Variants in KDM7A observed in about 807,000 individuals in gnomAD.
KDM7A encodes the protein lysine demethylase 7A.
In KDM7A, 28 loss-of-function variants were observed where a neutral mutation model predicts 114.8. The ratio of observed to expected loss-of-function variants is 0.24; its 90% CI spans 0.18 to 0.33. The LOEUF (loss-of-function observed/expected upper bound fraction) is 0.33, where lower values mean the gene tolerates loss of function less well. KDM7A is among the 10% of genes least tolerant of loss of function. The pLI, the probability that KDM7A is intolerant of heterozygous loss-of-function variation, is 1.00. For missense variants in KDM7A, 942 were observed against 1,142.5 expected (o/e 0.82, Z 2.53); for synonymous variants, 423 against 397.8 (o/e 1.06, Z -0.75).
chr7:140,174,609 T>C (rs1794680911), intron 1 of KDM7A, among the ~76,000 whole-genome samples: 1 of 152,170 alleles, frequency 6.6e-6, no homozygotes, highest in African/African-American at 2.4e-5. Context: ...GTTTCTTTTT[T>C]CTTTTTTTTT....
At chr7:140,164,790 T>G (rs543388868) in intron 1 of KDM7A, among the ~76,000 whole-genome samples, 1 of 152,218 alleles carries the variant, frequency 6.6e-6, no homozygotes, top group East Asian at 1.9e-4. Context: ...TGCTTCAAAG[T>G]AGCCAGGTAA....
rs376630545 is a variant in KDM7A at position 140,124,743 on chromosome 7, T to C, written c.929A>G (p.Asn310Ser). ...ACTCCAAGATTCATAACGTGCCAAA[T>C]TTTCATCTGTTGGCTTTATTAAATA... ...IFYLIKPTDENLARYESWSSS... is the reference protein window; with the variant it reads ...IFYLIKPTDESLARYESWSSS... Residue 310 changes from asparagine to serine, a missense_variant, in exon 7 of 20, where the codon AAT (asparagine) becomes AGT (serine). By Grantham distance (46) the Asn-to-Ser change is conservative. Coordinates refer to ENST00000397560, the MANE Select transcript of KDM7A (RefSeq NM_030647.2). The C allele has an allele frequency of 6.2e-6, 10 of 1,612,108 alleles. No individual in the cohort carries two copies. Among genetic ancestry groups the C allele is most frequent in the Admixed American group, 1.7e-5 (1 of 59,760 alleles).
At chr7:140,169,024 A>G (rs1230272637) in intron 1 of KDM7A, among the ~76,000 whole-genome samples, 1 of 152,166 alleles carries the variant, frequency 6.6e-6, no homozygotes, top group Non-Finnish European at 1.5e-5. Context: ...CAATTAGTGT[A>G]TTTCCTAGCT....
chr7:140,102,930 G>A (rs928811745), intron 11 of KDM7A, among the ~76,000 whole-genome samples: 3 of 152,090 alleles, frequency 2.0e-5, no homozygotes, highest in Middle Eastern at 3.2e-3. Context: ...ATTCTCCAGA[G>A]GCAACCACTT....
At chr7:140,103,516 G>A (rs534959122) in intron 11 of KDM7A, among the ~76,000 whole-genome samples, 107 of 150,064 alleles carry the variant, frequency 7.1e-4, no homozygotes, top group African/African-American at 2.4e-3. Flanking sequence ...CTGTGTCCAT[G>A]TGTTCTCATT....
intron 11 of KDM7A, among the ~76,000 whole-genome samples, chr7:140,110,249 A>G (rs1818410338): frequency 6.6e-6 from 1 of 152,208 alleles, no homozygotes; most frequent in African/African-American, 2.4e-5. Context: ...CATGCATGAG[A>G]TTTATATATG....
intron 1 of KDM7A, among the ~76,000 whole-genome samples, chr7:140,155,409 A>T (rs764791533): frequency 2.0e-5 from 3 of 152,252 alleles, no homozygotes; most frequent in Admixed American, 6.5e-5. Context: ...TAGCACCACA[A>T]GCACTCTGAT....
At chr7:140,093,436 T>C (rs1194142848) in intron 18 of KDM7A, among the ~76,000 whole-genome samples, 2 of 152,236 alleles carry the variant, frequency 1.3e-5, no homozygotes, top group East Asian at 3.8e-4. Context: ...TTTACTTTCT[T>C]TCTTATGTGT....
intron 1 of KDM7A, among the ~76,000 whole-genome samples, chr7:140,160,800 A>G (rs982316321): frequency 6.6e-6 from 1 of 152,206 alleles, no homozygotes; most frequent in African/African-American, 2.4e-5. Context: ...AAAGGCAAAG[A>G]TAAGAAGAGA....
Position 140,119,176 on chromosome 7 carries a change from T to G in KDM7A, c.1183A>C (p.Lys395Gln). The G allele has an allele frequency of 1.2e-6, 2 of 1,609,264 alleles. No individual in the cohort carries two copies. The highest frequency in any genetic ancestry group is 1.7e-6 in the Non-Finnish European group (2 of 1,176,828). ...EKRLKTPDLF[K>Q]FPFFEAICWF... ...CATATGGCTTCAAAGAAAGGGAATTTGAAAAGATCTGGTGTTTTTAGCCTT... is the reference window on the plus strand; with the variant it reads ...CATATGGCTTCAAAGAAAGGGAATTGGAAAAGATCTGGTGTTTTTAGCCTT... The change falls in exon 9 of 20, where the codon AAA (lysine) becomes CAA (glutamine). Residue 395 changes from lysine (K) to glutamine (Q), a missense_variant. Around this residue, in one of 4 missense-constraint regions of KDM7A, gnomAD observed 318 missense variants for 453.1 expected, o/e 0.70. Transcript: ENST00000397560.
In KDM7A at chr7:140,176,375, G is replaced by A. The variant is rs1396423106; in HGVS notation, c.194+369C>T. Reference sequence around the variant, plus strand: ...CGGCGGGGCGGGGCGGGGCGGCGGCGGCCCGGGCTGGCGAGGGGCTGCGGA... The same window carrying A: ...CGGCGGGGCGGGGCGGGGCGGCGGCAGCCCGGGCTGGCGAGGGGCTGCGGA... On this transcript the variant is annotated intron_variant, in intron 1 of 19. Coordinates refer to ENST00000397560, the MANE Select transcript of KDM7A (RefSeq NM_030647.2). This position sits in a 1 kb window ranked among gnomAD's most constrained non-coding sequence, Gnocchi z 4.4. Among the ~76,000 whole-genome samples, 1 of 144,366 alleles carries A rather than the reference G, an allele frequency of 6.9e-6. No individual in the cohort carries two copies. Among genetic ancestry groups the A allele is most frequent in the Admixed American group, 6.8e-5 (1 of 14,626 alleles). The allele number at this position is 144,366 out of a possible 152,430, so 94.7% of individuals were successfully genotyped here.
Position 140,142,986 on chromosome 7 carries a change from C to A in KDM7A, c.195-3796G>T, listed in dbSNP as rs529458450. Among the ~76,000 whole-genome samples, 190 of 151,722 alleles carry A rather than the reference C, an allele frequency of 1.3e-3. 2 individuals carry two copies. The highest frequency in any genetic ancestry group is 4.4e-3 in the African/African-American group (182 of 41,368). On this transcript the variant is annotated intron_variant, in intron 1 of 19. Coordinates refer to ENST00000397560, the MANE Select transcript of KDM7A (RefSeq NM_030647.2). ...CACGAGGTCAGGAGATCGAGACCAC[C>A]CTGGCTAACACGGTGAAACCCCATC...
chr7:140,100,557 T>C (rs1444179318), intron 12 of KDM7A, among the ~76,000 whole-genome samples: 2 of 148,736 alleles, frequency 1.3e-5, no homozygotes, highest in South Asian at 2.2e-4. Context: ...TAATAATAAA[T>C]AGAACCTTTC....
intron 6 of KDM7A, 58 bp downstream of exon 6, chr7:140,126,579 G>A: frequency 9.5e-7 from 1 of 1,053,568 alleles, no homozygotes. Flanking sequence ...ATATACCACT[G>A]AAAAACTAGG....
intron 9 of KDM7A, among the ~76,000 whole-genome samples, chr7:140,115,418 G>A (rs908109050): frequency 1.3e-5 from 2 of 152,216 alleles, no homozygotes; most frequent in Non-Finnish European, 2.9e-5. Context: ...GAAAGAAGTA[G>A]ACATGGGAGA....
chr7:140,124,495 G>A (rs1258356641), intron 7 of KDM7A, 126 bp downstream of exon 7: 1 of 630,970 alleles, frequency 1.6e-6, no homozygotes. Flanking sequence ...TCCAAGATCA[G>A]AATTATTTCT....
intron 1 of KDM7A, among the ~76,000 whole-genome samples, chr7:140,141,818 C>A (rs1794283233): frequency 6.6e-6 from 1 of 151,346 alleles, no homozygotes; most frequent in Non-Finnish European, 1.5e-5. Context: ...CGCTTGAACC[C>A]AGGACGTGGA....
chr7:140,173,628 C>T (rs1794670478), intron 1 of KDM7A, among the ~76,000 whole-genome samples: 1 of 151,886 alleles, frequency 6.6e-6, no homozygotes, highest in Non-Finnish European at 1.5e-5. Flanking sequence ...CAACCTCCTA[C>T]TCCTCCTTGC....
Position 140,086,780 on chromosome 7 carries a change from A to G in KDM7A, c.*4314T>C, listed in dbSNP as rs974386920. 2 of 152,102 alleles carry G rather than the reference A, an allele frequency of 1.3e-5. No homozygotes were observed. The highest frequency in any genetic ancestry group is 6.6e-5 in the Admixed American group (1 of 15,264). The allele number at this position is 152,102 out of a possible 1,614,324, so 9.4% of individuals were successfully genotyped here. A position where few individuals can be genotyped will look rare whatever the true frequency, so the allele number is the denominator to read the frequency against. ...TGGGTTACCTGTGTCTCCTTTATTTACCAGCGACACTCTGTCTAGGCTAAA... is the reference window on the plus strand; with the variant it reads ...TGGGTTACCTGTGTCTCCTTTATTTGCCAGCGACACTCTGTCTAGGCTAAA... On this transcript the variant is annotated 3_prime_UTR_variant, in exon 20 of 20. Transcript: ENST00000397560.
Sources: gnomAD v4.1 joint callset for allele counts (sites outside exome capture counted in the v4.1 genomes callset) on GRCh38, gnomAD v4.1.1 for gene constraint, gnomAD v4.1.1 regional missense constraint, Gnocchi (gnomAD v3.1) non-coding constraint, MANE v1.5 for transcripts, NCBI Gene and HGNC (gene_info 2026-07-23, HGNC 2026-07-21) for gene names.